Variants in MEGF10 observed in about 807,000 individuals in gnomAD.
MEGF10 encodes the protein multiple epidermal growth factor-like domains protein 10.
A neutral mutation model predicts 147.5 loss-of-function variants in MEGF10; 86 were observed. The observed-to-expected ratio is 0.58, with a 90% CI of 0.49 to 0.70. MEGF10 has a LOEUF of 0.70. Ranked by LOEUF, MEGF10 falls within the 30% of genes least tolerant of loss-of-function variation. The probability of loss-of-function intolerance (pLI) is 0.00; values close to 1 mark genes in which losing one functional copy is unlikely to be tolerated. For missense variants in MEGF10, 1,329 were observed against 1,487.3 expected, an observed-to-expected ratio of 0.89 and a Z score of 1.75; for synonymous variants, 478 against 525.5, an observed-to-expected ratio of 0.91 and a Z score of 1.24.
At chr5:127,292,421 T>C (rs1187509504) in intron 1 of MEGF10, among the ~76,000 whole-genome samples, 1 of 152,238 alleles carries the variant, frequency 6.6e-6, no homozygotes, top group East Asian at 1.9e-4. Flanking sequence ...AGCTTTATTA[T>C]TATTGTATAG....
At chr5:127,247,191 G>C in the MEGF10 span, among the ~76,000 whole-genome samples, 3 of 136,932 alleles carry the variant, frequency 2.2e-5, no homozygotes, top group Admixed American at 2.4e-4. Context: ...CAAAATTTTA[G>C]ACAAAACAAA....
At chr5:127,306,121 A>G (rs1313730667) in intron 1 of MEGF10, among the ~76,000 whole-genome samples, 2 of 152,154 alleles carry the variant, frequency 1.3e-5, no homozygotes, top group Non-Finnish European at 2.9e-5. Context: ...GAGAATTTGG[A>G]AGACCATTTT....
chr5:127,345,089 G>T (rs1201595196), intron 4 of MEGF10, among the ~76,000 whole-genome samples: 2 of 152,190 alleles, frequency 1.3e-5, no homozygotes, highest in Non-Finnish European at 2.9e-5. Context: ...GATTCACATG[G>T]AAACTGTCCC....
intron 2 of MEGF10, among the ~76,000 whole-genome samples, chr5:127,338,244 T>G (rs1024133207): frequency 6.6e-6 from 1 of 152,144 alleles, no homozygotes; most frequent in African/African-American, 2.4e-5. Flanking sequence ...ACTGAAAATC[T>G]TTAAGAGAAT....
the MEGF10 span, among the ~76,000 whole-genome samples, chr5:127,263,019 A>G: frequency 2.0e-5 from 3 of 152,188 alleles, no homozygotes; most frequent in African/African-American, 7.2e-5. Context: ...AAAAGTAACA[A>G]CAAAAAAGTC....
chr5:127,369,099 A>G (rs934589935), intron 4 of MEGF10, among the ~76,000 whole-genome samples: 2 of 152,218 alleles, frequency 1.3e-5, no homozygotes, highest in African/African-American at 2.4e-5. Context: ...AAATTTTAGA[A>G]TATCCGAACC....
rs543063205 is a variant in MEGF10 at position 127,304,887 on chromosome 5, G to T, written c.-19+13831G>T. Reference sequence around the variant, plus strand: ...AGAGCCCTTACCAGAAACCAAATTGGCTAGGACCTTGATCTTGGACTTCCT... The same window carrying T: ...AGAGCCCTTACCAGAAACCAAATTGTCTAGGACCTTGATCTTGGACTTCCT... On this transcript the variant is annotated intron_variant, in intron 1 of 24. Coordinates refer to ENST00000503335, the MANE Select transcript of MEGF10 (RefSeq NM_001256545.2). Among the ~76,000 whole-genome samples the T allele has an allele frequency of 2.8e-4, 43 of 152,272 alleles. No individual in the cohort carries two copies. In the South Asian group the frequency reaches 8.7e-3, roughly 31 times the overall value.
chr5:127,417,845 A>G lies in MEGF10; in HGVS notation c.1305+33A>G, dbSNP rs925759839. 7 of 1,605,640 alleles carry G rather than the reference A, an allele frequency of 4.4e-6. No homozygotes were observed. The African/African-American group carries it at 5.4e-5, about 12-fold the overall frequency. ...ACTAGGGCTCTGGAGGAAGGAGAAG[A>G]GGGGTGCAGTGTGAAGCATCTCAAT... is the stretch of plus-strand genomic sequence containing the variant. On this transcript the variant is annotated intron_variant, in intron 10 of 24. Transcript: ENST00000503335.
intron 22 of MEGF10, among the ~76,000 whole-genome samples, chr5:127,450,995 G>T (rs924596163): frequency 6.6e-6 from 1 of 152,150 alleles, no homozygotes; most frequent in African/African-American, 2.4e-5. Context: ...CTGACCTCAA[G>T]TGATCTTCTT....
In MEGF10 at chr5:127,428,141, A is replaced by ATTT. The variant is rs66935934; in HGVS notation, c.1694-5201_1694-5199dup. 9.2e-4 allele frequency among the ~76,000 whole-genome samples: 95 copies of ATTT among 103,538 alleles called. 1 individual carries two copies. Among genetic ancestry groups the ATTT allele is most frequent in the African/African-American group, 1.1e-3 (30 of 27,426 alleles). 67.9% of individuals were successfully genotyped at this position (103,538 alleles called of 152,430 possible). On this transcript the variant is annotated intron_variant, in intron 13 of 24. Coordinates refer to ENST00000503335, the MANE Select transcript of MEGF10 (RefSeq NM_001256545.2). ...ACTGAGGCAGGCCATGGTGTCTGGT[A>ATTT]TTTTTTTTTTTTTTTTTTTTTTTGT...
At chr5:127,309,005 G>A (rs983218090) in intron 1 of MEGF10, among the ~76,000 whole-genome samples, 1 of 152,080 alleles carries the variant, frequency 6.6e-6, no homozygotes, top group Admixed American at 6.5e-5. Flanking sequence ...TAAAATTCTG[G>A]GACACTGGCC....
upstream of MEGF10, among the ~76,000 whole-genome samples, chr5:127,290,651 T>G (rs1035453848): frequency 6.6e-6 from 1 of 152,224 alleles, no homozygotes; most frequent in Non-Finnish European, 1.5e-5. Flanking sequence ...AGATCCTGCA[T>G]GTTGCGCTAG....
intron 4 of MEGF10, among the ~76,000 whole-genome samples, chr5:127,350,005 T>G (rs948963073): frequency 6.6e-6 from 1 of 152,298 alleles, no homozygotes; most frequent in South Asian, 2.1e-4. Flanking sequence ...AATTCTTATA[T>G]GAAAATCTTA....
chr5:127,287,997 A>T (rs1287878721), upstream of MEGF10, among the ~76,000 whole-genome samples: 1 of 152,070 alleles, frequency 6.6e-6, no homozygotes, highest in Non-Finnish European at 1.5e-5. Flanking sequence ...ACTCAATGGG[A>T]AAAAAGATAA....
rs1434191531 is a variant in MEGF10 at position 127,447,231 on chromosome 5, A to G, written c.2729-326A>G. Among the ~76,000 whole-genome samples the G allele has an allele frequency of 2.6e-5, 4 of 152,224 alleles. No individual in the cohort carries two copies. In the East Asian group the frequency reaches 5.8e-4, roughly 22 times the overall value. Reference sequence around the variant, plus strand: ...TCGCTCTGTCACCAGACTGGAGTGCAGTGGTGCGATCTCGGCTCACTGTAA... The same window carrying G: ...TCGCTCTGTCACCAGACTGGAGTGCGGTGGTGCGATCTCGGCTCACTGTAA... On this transcript the variant is annotated intron_variant, in intron 20 of 24. Coordinates refer to ENST00000503335, the MANE Select transcript of MEGF10 (RefSeq NM_001256545.2).
chr5:127,283,378 T>C, the MEGF10 span, among the ~76,000 whole-genome samples: 1,397 of 152,336 alleles, frequency 9.2e-3, 15 homozygotes, highest in African/African-American at 0.03. Context: ...TATTCATGTC[T>C]TTACTTCTGT....
In MEGF10 at chr5:127,391,099, C is replaced by T. The variant is rs1457904986; in HGVS notation, c.413-5433C>T. 1.2e-3 allele frequency among the ~76,000 whole-genome samples: 36 copies of T among 30,826 alleles called. 1 individual carries two copies. Among genetic ancestry groups the T allele is most frequent in the African/African-American group, 1.7e-3 (25 of 14,618 alleles). The allele number at this position is 30,826 out of a possible 152,430, so 20.2% of individuals were successfully genotyped here. On this transcript the variant is annotated intron_variant, in intron 5 of 24. Coordinates refer to ENST00000503335, the MANE Select transcript of MEGF10 (RefSeq NM_001256545.2). ...ATACATACACACATGCGCGCGCGCG[C>T]GCGCACACACACACACACACACACA...
chr5:127,309,192 A>G (rs1158229900), intron 1 of MEGF10, among the ~76,000 whole-genome samples: 1 of 152,266 alleles, frequency 6.6e-6, no homozygotes, highest in African/African-American at 2.4e-5. Flanking sequence ...TAGTGAAAAG[A>G]AGTAAACAAG....
chr5:127,339,040 T>A, intron 2 of MEGF10, 80 bp from the exon 3 acceptor site: 1 of 798,198 alleles, frequency 1.3e-6, no homozygotes, highest in Non-Finnish European at 1.9e-6. Flanking sequence ...ATAATTTAGC[T>A]TACAAACTTT....
Sources: gnomAD v4.1 joint callset for allele counts (sites outside exome capture counted in the v4.1 genomes callset) on GRCh38, gnomAD v4.1.1 for gene constraint, MANE v1.5 for transcripts, NCBI Gene and HGNC (gene_info 2026-07-23, HGNC 2026-07-21) for gene names.